OXTR: variants seen among roughly 807,000 people sequenced by gnomAD.
OXTR encodes oxytocin receptor.
A neutral mutation model predicts 23.9 loss-of-function variants in OXTR; 19 were observed. The observed-to-expected ratio is 0.80, with a 90% CI of 0.56 to 1.17. The LOEUF is 1.17. Among genes scored for constraint, OXTR ranks in the 50% most tolerant of loss-of-function variants. The pLI, the probability that OXTR is intolerant of heterozygous loss-of-function variation, is 0.00. For missense variants in OXTR, 500 were observed against 550.7 expected, an observed-to-expected ratio of 0.91 and a Z score of 0.92; for synonymous variants, 278 against 250.5, an observed-to-expected ratio of 1.11 and a Z score of -1.04.
chr3:8,741,998 G>A, the OXTR span, among the ~76,000 whole-genome samples: 9 of 152,036 alleles, frequency 5.9e-5, no homozygotes, highest in Non-Finnish European at 1.2e-4. Context: ...ACAGTGTCCT[G>A]AGCCTCAGCA....
downstream of OXTR, among the ~76,000 whole-genome samples, chr3:8,749,653 G>T (rs11720238): frequency 0.13 from 19,234 of 152,168 alleles, 1,316 homozygotes; most frequent in African/African-American, 0.17. Context: ...GACCCTCTTC[G>T]TGCATGTCCC....
At chr3:8,745,503 G>A, downstream of OXTR, 2 of 1,596,242 alleles carry the variant, frequency 1.3e-6, no homozygotes, top group South Asian at 1.1e-5. This position sits in a 1 kb window ranked among gnomAD's most constrained non-coding sequence, Gnocchi z 4.8. Context: ...GTGAGTTGAG[G>A]CTTCCCCTTG....
rs201456657 is a variant in OXTR, at chr3:8,751,120, C to T, written c.*1857G>A. 2.0e-5 allele frequency: 3 copies of T among 152,104 alleles called. No homozygotes were observed. The highest frequency in any genetic ancestry group is 2.9e-5 in the Non-Finnish European group (2 of 68,022). The allele number at this position is 152,104 out of a possible 1,614,324, so 9.4% of individuals were successfully genotyped here. ...TCATTGTGATTTTGACTTGCATTTC[C>T]CTAATGAATAATAATGTTGAGTATT... On this transcript the variant is annotated 3_prime_UTR_variant, in exon 4 of 4. Coordinates refer to ENST00000316793, the MANE Select transcript of OXTR (RefSeq NM_000916.4).
At chr3:8,747,028 C>T (rs1708184311), downstream of OXTR, among the ~76,000 whole-genome samples, 1 of 152,058 alleles carries the variant, frequency 6.6e-6, no homozygotes. Context: ...AACCAGTATC[C>T]CCCCAATCCT....
Position 8,767,845 on chromosome 3 carries a change from C to T in OXTR, c.343G>A (p.Val115Ile), listed in dbSNP as rs767226551. 2.5e-6 allele frequency: 4 copies of T among 1,612,616 alleles called. No homozygotes were observed. The highest frequency in any genetic ancestry group is 1.3e-5 in the African/African-American group (1 of 74,994). The change falls in exon 3 of 4, where the codon GTC becomes ATC. Residue 115 changes from valine (V) to isoleucine (I), a missense_variant. Transcript: ENST00000316793. The stretch of plus-strand genomic sequence containing the variant: ...ATGCCCACCACCTGCAAGTACTTGA[C>T]CAGGCGGCACAGCAGGTCGGGCCCG... ...FYGPDLLCRL[V>I]KYLQVVGMFA...
At chr3:8,745,598 A>G (rs116840798), downstream of OXTR, 2 of 1,613,988 alleles carry the variant, frequency 1.2e-6, no homozygotes, top group South Asian at 1.1e-5. The surrounding 1 kb of genome is among the most constrained non-coding windows in gnomAD (Gnocchi z 4.8). Flanking sequence ...GGTGAGCTAC[A>G]CCACCTTCAC....
Position 8,767,849 on chromosome 3 carries a change from G to C in OXTR, c.339C>G (p.Arg113=), listed in dbSNP as rs775129787. 3 of 1,612,888 alleles carry C rather than the reference G, an allele frequency of 1.9e-6. No individual in the cohort carries two copies. The highest frequency in any genetic ancestry group is 2.7e-5 in the African/African-American group (2 of 74,882). ...FRFYGPDLLC[R]LVKYLQVVGM... ...CCACCACCTGCAAGTACTTGACCAG[G>C]CGGCACAGCAGGTCGGGCCCGTAGA... The change falls in exon 3 of 4, where the codon CGC becomes CGG. Residue 113 remains arginine (R), a synonymous_variant. Transcript: ENST00000316793.
chr3:8,767,534 G>C lies in OXTR; in HGVS notation c.654C>G (p.Ala218=), dbSNP rs148325772. 6.2e-7 allele frequency: 1 copy of C among 1,613,212 alleles called. No homozygotes were observed. The highest frequency in any genetic ancestry group is 2.2e-5 in the East Asian group (1 of 44,828). The part of the protein sequence containing the change: ...VYIVPVIVLA[A]CYGLISFKIW... ...TCTTGAAGCTGATAAGGCCGTAGCA[G>C]GCAGCGAGCACGATGACCGGCACGA... The change falls in exon 3 of 4, where the codon GCC becomes GCG. Residue 218 remains alanine (A), a synonymous_variant. Transcript: ENST00000316793.
chr3:8,767,319 GGC>G lies in OXTR; in HGVS notation c.867_868del (p.Pro290PhefsTer118). 1 of 1,598,884 alleles carries G rather than the reference GGC, an allele frequency of 6.3e-7. No homozygotes were observed. The highest frequency in any genetic ancestry group is 8.5e-7 in the Non-Finnish European group (1 of 1,173,992). Reference sequence around the variant, plus strand: ...GCTCCACATCTGCACGAAGAAGAAAGGCGTCCAGCACACGATGAAGGCCAGCA... The same window carrying G: ...GCTCCACATCTGCACGAAGAAGAAAGGTCCAGCACACGATGAAGGCCAGCA... On this transcript the variant is annotated frameshift_variant, in exon 3 of 4. Coordinates refer to ENST00000316793, the MANE Select transcript of OXTR (RefSeq NM_000916.4). LOFTEE classifies it high-confidence loss of function.
chr3:8,742,411 TAC>T, the OXTR span: 1 of 389,202 alleles, frequency 2.6e-6, no homozygotes, highest in Non-Finnish European at 5.1e-6. Flanking sequence ...AAAAGACACA[TAC>T]AGAAGCCATT....
downstream of OXTR, among the ~76,000 whole-genome samples, chr3:8,747,032 C>A (rs891841699): frequency 2.0e-5 from 3 of 152,160 alleles, no homozygotes; most frequent in Non-Finnish European, 4.4e-5. Flanking sequence ...AGTATCCCCC[C>A]AATCCTATCT....
chr3:8,761,285 C>G (rs114641034), intron 3 of OXTR, among the ~76,000 whole-genome samples: 5,850 of 152,228 alleles, frequency 0.038, 169 homozygotes, highest in Non-Finnish European at 0.055. Context: ...GGCACTGAAC[C>G]CAGAATGCTG....
At chr3:8,758,852 C>T (rs1311265516) in intron 3 of OXTR, among the ~76,000 whole-genome samples, 1 of 152,170 alleles carries the variant, frequency 6.6e-6, no homozygotes, top group East Asian at 1.9e-4. Context: ...AAACGACCAG[C>T]CCTTCGCTAC....
intron 3 of OXTR, among the ~76,000 whole-genome samples, chr3:8,766,129 G>A (rs1559678006): frequency 6.6e-6 from 1 of 152,202 alleles, no homozygotes; most frequent in Non-Finnish European, 1.5e-5. Flanking sequence ...AACATTTGAA[G>A]TCCCCAGCAT....
At chr3:8,745,736 A>T, downstream of OXTR, 1 of 1,614,120 alleles carries the variant, frequency 6.2e-7, no homozygotes, top group Non-Finnish European at 8.5e-7. The surrounding 1 kb of genome is among the most constrained non-coding windows in gnomAD (Gnocchi z 4.8). Flanking sequence ...ATGCATTAAG[A>T]GCTACCTGAT....
chr3:8,758,143 T>A (rs767924102), intron 3 of OXTR, among the ~76,000 whole-genome samples: 58 of 152,142 alleles, frequency 3.8e-4, no homozygotes, highest in South Asian at 8.3e-4. Context: ...GCATTTCTAC[T>A]TGGCACCATG....
chr3:8,755,976 A>G (rs1227866124), intron 3 of OXTR, among the ~76,000 whole-genome samples: 3 of 152,158 alleles, frequency 2.0e-5, no homozygotes, highest in African/African-American at 7.2e-5. Flanking sequence ...AGAGTTTGGA[A>G]AGATGGTTTG....
At chr3:8,748,452 C>T (rs1435566898), downstream of OXTR, among the ~76,000 whole-genome samples, 4 of 152,172 alleles carry the variant, frequency 2.6e-5, no homozygotes, top group Non-Finnish European at 5.9e-5. Context: ...CCTTCCACAC[C>T]CTGTCACAGC....
the OXTR span, among the ~76,000 whole-genome samples, chr3:8,744,484 G>A: frequency 7.4e-6 from 1 of 135,130 alleles, no homozygotes; most frequent in African/African-American, 2.9e-5. Flanking sequence ...TTTTAGTAGA[G>A]ACAGGGTTTC....
Sources: allele counts gnomAD v4.1 joint callset (sites outside exome capture counted in the v4.1 genomes callset), GRCh38; gene constraint gnomAD v4.1.1; non-coding constraint Gnocchi (gnomAD v3.1); transcripts MANE v1.5; gene names NCBI Gene and HGNC (gene_info 2026-07-23, HGNC 2026-07-21).